CARS1: variants seen among roughly 807,000 people sequenced by gnomAD.
CARS1 encodes the protein cysteinyl-tRNA synthetase 1.
Under a neutral mutation model 106.2 loss-of-function variants are expected in CARS1, and 48 were observed. The ratio of observed to expected loss-of-function variants is 0.45; its 90% CI spans 0.36 to 0.57. The LOEUF is 0.57. CARS1 is among the 20% of genes least tolerant of loss of function. The probability of loss-of-function intolerance (pLI) is 0.00; values close to 1 mark genes in which losing one functional copy is unlikely to be tolerated. For missense variants in CARS1, 968 were observed against 1,057.2 expected (o/e 0.92, Z 1.17); for synonymous variants, 409 against 403.4 (o/e 1.01, Z -0.17).
In CARS1 at chr11:3,028,339, C is replaced by T. The variant is rs1315202254; in HGVS notation, c.1031+657G>A. ...CCGCGTCTTGGTGGTAGTGGTCCCC[C>T]GGGCCCAGCTGTCTTCTCTTTTATC... On this transcript the variant is annotated intron_variant, in intron 9 of 22. Transcript: ENST00000380525. The surrounding 1 kb of genome is among the most constrained non-coding windows in gnomAD (Gnocchi z 4.4). The T allele has an allele frequency of 2.7e-5, 13 of 487,272 alleles. No homozygotes were observed. The highest frequency in any genetic ancestry group is 3.7e-5 in the Non-Finnish European group (10 of 272,456). 30.2% of individuals were successfully genotyped at this position (487,272 alleles called of 1,614,324 possible).
chr11:3,028,204 C>A lies in CARS1; in HGVS notation c.1031+792G>T. The A allele has an allele frequency of 2.9e-6, 1 of 347,550 alleles. No homozygotes were observed. Among genetic ancestry groups the A allele is most frequent in the South Asian group, 2.6e-5 (1 of 38,220 alleles). The allele number at this position is 347,550 out of a possible 1,614,324, so 21.5% of individuals were successfully genotyped here. A position where few individuals can be genotyped will look rare whatever the true frequency, so the allele number is the denominator to read the frequency against. On this transcript the variant is annotated intron_variant, in intron 9 of 22. Transcript: ENST00000380525. This position sits in a 1 kb window ranked among gnomAD's most constrained non-coding sequence, Gnocchi z 4.4. ...GCCCCCTGTCCAGTGGACACGTGAC[C>A]CACGTGGCCTTACCTATCATTGAAG... is the stretch of plus-strand genomic sequence containing the variant.
chr11:3,055,482 G>C (rs1395776230), intron 1 of CARS1, among the ~76,000 whole-genome samples: 1 of 152,242 alleles, frequency 6.6e-6, no homozygotes, highest in Non-Finnish European at 1.5e-5. Context: ...TTGAGAGTGT[G>C]TGTGTGATGG....
chr11:3,002,295 G>A (rs1849464555), intron 21 of CARS1: 4 of 666,040 alleles, frequency 6.0e-6, no homozygotes, highest in Non-Finnish European at 1.0e-5. Flanking sequence ...ATAGTAGTAA[G>A]TCTATAAACG....
chr11:3,023,580 A>C (rs887054937), intron 10 of CARS1, among the ~76,000 whole-genome samples: 4 of 152,114 alleles, frequency 2.6e-5, no homozygotes, highest in African/African-American at 9.7e-5. Context: ...ATTTTTGTAG[A>C]GATGCGGTCT....
intron 17 of CARS1, among the ~76,000 whole-genome samples, chr11:3,012,623 G>A (rs1160296828): frequency 6.6e-6 from 1 of 152,212 alleles, no homozygotes; most frequent in Non-Finnish European, 1.5e-5. Context: ...GGTTTCAGAG[G>A]GGCCAGCTCT....
chr11:3,004,176 C>A lies in CARS1; in HGVS notation c.2217+1190G>T, dbSNP rs1446494467. The stretch of plus-strand genomic sequence containing the variant: ...TGATGAGGCAGTCACACCAGCCAAC[C>A]TCACAGGGCAAGCCCAGCTCTTCCC... On this transcript the variant is annotated intron_variant, in intron 20 of 22. Coordinates refer to ENST00000380525, the MANE Select transcript of CARS1 (RefSeq NM_001014437.3). The surrounding 1 kb of genome is among the most constrained non-coding windows in gnomAD (Gnocchi z 5.2). Among the ~76,000 whole-genome samples the A allele has an allele frequency of 6.6e-6, 1 of 152,202 alleles. No individual in the cohort carries two copies.
In CARS1 at chr11:3,050,233, T is replaced by G. The variant is rs556603439; in HGVS notation, c.26-2232A>C. Among the ~76,000 whole-genome samples, 1 of 152,204 alleles carries G rather than the reference T, an allele frequency of 6.6e-6. No individual in the cohort carries two copies. Among genetic ancestry groups the G allele is most frequent in the South Asian group, 2.1e-4 (1 of 4,822 alleles). ...GGCTTCCTGGGATGACTCTCGCTGGTGGGATGACGAGTGCAGCGTCCCTCT... is the reference window on the plus strand; with the variant it reads ...GGCTTCCTGGGATGACTCTCGCTGGGGGGATGACGAGTGCAGCGTCCCTCT... On this transcript the variant is annotated intron_variant, in intron 1 of 22. Transcript: ENST00000380525. The surrounding 1 kb of genome is among the most constrained non-coding windows in gnomAD (Gnocchi z 6.3).
chr11:3,055,841 C>G (rs1856150565), intron 1 of CARS1, among the ~76,000 whole-genome samples: 1 of 152,202 alleles, frequency 6.6e-6, no homozygotes, highest in Non-Finnish European at 1.5e-5. Flanking sequence ...ACGTCCTTCC[C>G]ATCTATTAAT....
In CARS1 at chr11:3,053,280, G is replaced by C. The variant is rs1048216332; in HGVS notation, c.25+4063C>G. Among the ~76,000 whole-genome samples the C allele has an allele frequency of 6.6e-6, 1 of 151,972 alleles. No individual in the cohort carries two copies. The highest frequency in any genetic ancestry group is 1.5e-5 in the Non-Finnish European group (1 of 68,014). ...GGAGTCTCGCTCGTCACCCAGGCTG[G>C]AGTGCAGTGGCATGATCTCGGCTCA... On this transcript the variant is annotated intron_variant, in intron 1 of 22. Transcript: ENST00000380525. This position sits in a 1 kb window ranked among gnomAD's most constrained non-coding sequence, Gnocchi z 6.6.
rs1852363679 is a variant in CARS1 at position 3,028,611 on chromosome 11, G to A, written c.1031+385C>T. 3.4e-6 allele frequency: 1 copy of A among 294,382 alleles called. No homozygotes were observed. The highest frequency in any genetic ancestry group is 9.9e-4 in the Middle Eastern group (1 of 1,012). The allele number at this position is 294,382 out of a possible 1,614,324, so 18.2% of individuals were successfully genotyped here. A position where few individuals can be genotyped will look rare whatever the true frequency, so the allele number is the denominator to read the frequency against. On this transcript the variant is annotated intron_variant, in intron 9 of 22. Transcript: ENST00000380525. This position sits in a 1 kb window ranked among gnomAD's most constrained non-coding sequence, Gnocchi z 4.4. Reference sequence around the variant, plus strand: ...TCATAGCCAAGCGATAGATGCTGATGAAATGCATCCTCCTTCGGGATATGA... The same window carrying A: ...TCATAGCCAAGCGATAGATGCTGATAAAATGCATCCTCCTTCGGGATATGA...
Position 3,039,113 on chromosome 11 carries a change from A to G in CARS1, c.651+81T>C. 1 of 863,230 alleles carries G rather than the reference A, an allele frequency of 1.2e-6. No individual in the cohort carries two copies. Among genetic ancestry groups the G allele is most frequent in the Non-Finnish European group, 1.9e-6 (1 of 518,244 alleles). The allele number at this position is 863,230 out of a possible 1,614,324, so 53.5% of individuals were successfully genotyped here. On this transcript the variant is annotated intron_variant, in intron 6 of 22. Coordinates refer to ENST00000380525, the MANE Select transcript of CARS1 (RefSeq NM_001014437.3). The surrounding 1 kb of genome is among the most constrained non-coding windows in gnomAD (Gnocchi z 5.6). ...TGTGAAAGCCTGTGAGACTGACACTACCCTAGGGACAGTAGCCTACAAAGG... is the reference window on the plus strand; with the variant it reads ...TGTGAAAGCCTGTGAGACTGACACTGCCCTAGGGACAGTAGCCTACAAAGG...
chr11:3,007,122 T>G lies in CARS1; in HGVS notation c.2069-163A>C, dbSNP rs1849956192. On this transcript the variant is annotated intron_variant, in intron 18 of 22. Coordinates refer to ENST00000380525, the MANE Select transcript of CARS1 (RefSeq NM_001014437.3). ...CCCGGCCCACAGAACGAGTACCTCC[T>G]CCAGTGCTTGGGAGGGAGGGCCCAG... 2.2e-5 allele frequency: 14 copies of G among 627,220 alleles called. No homozygotes were observed. The South Asian group carries it at 2.6e-4, about 12-fold the overall frequency. The allele number at this position is 627,220 out of a possible 1,614,324, so 38.9% of individuals were successfully genotyped here. A position where few individuals can be genotyped will look rare whatever the true frequency, so the allele number is the denominator to read the frequency against.
In CARS1 at chr11:3,037,995, G is replaced by A; in HGVS notation, c.801+55C>T. ...AATCCGTGCACACAGATCAGTCTAT[G>A]CACGGCCCGACATTTGACCCGAACG... On this transcript the variant is annotated intron_variant, in intron 7 of 22. Transcript: ENST00000380525. This position sits in a 1 kb window ranked among gnomAD's most constrained non-coding sequence, Gnocchi z 5.9. The A allele has an allele frequency of 6.4e-7, 1 of 1,553,256 alleles. No individual in the cohort carries two copies. Among genetic ancestry groups the A allele is most frequent in the Non-Finnish European group, 8.8e-7 (1 of 1,132,908 alleles).
In CARS1 at chr11:3,029,497, C is replaced by T. The variant is rs1852485245; in HGVS notation, c.802-54G>A. On this transcript the variant is annotated intron_variant, in intron 7 of 22. Coordinates refer to ENST00000380525, the MANE Select transcript of CARS1 (RefSeq NM_001014437.3). This position sits in a 1 kb window ranked among gnomAD's most constrained non-coding sequence, Gnocchi z 5.9. ...GCGGGCCACACACTTCACATGAGAA[C>T]ATCTCGTGCAGCTGGTGTGAGCCCA... 8 of 1,592,122 alleles carry T rather than the reference C, an allele frequency of 5.0e-6. No homozygotes were observed. The highest frequency in any genetic ancestry group is 6.8e-6 in the Non-Finnish European group (8 of 1,168,844).
At position 3,010,213 on chromosome 11, in the gene CARS1, G is replaced by C. The variant is rs374048687; in HGVS notation, c.2068+1982C>G. ...GCCACCGAGCGGGAGCTTGTGCCTG[G>C]CCAGTCCCCCTTTAGCGCCCTCCCG... On this transcript the variant is annotated intron_variant, in intron 18 of 22. Transcript: ENST00000380525. Among the ~76,000 whole-genome samples, 46 of 152,372 alleles carry C rather than the reference G, an allele frequency of 3.0e-4. 1 individual carries two copies. In the East Asian group the frequency reaches 8.3e-3, roughly 27 times the overall value.
intron 2 of CARS1, 39 bp from the exon 3 acceptor site, chr11:3,042,295 G>A: frequency 6.6e-7 from 1 of 1,505,396 alleles, no homozygotes; most frequent in Non-Finnish European, 9.1e-7. Flanking sequence ...TCCAGGGGCA[G>A]CACCAGGAAG....
In CARS1 at chr11:3,029,168, A is replaced by G; in HGVS notation, c.943-84T>C. 2.1e-6 allele frequency: 3 copies of G among 1,431,828 alleles called. No homozygotes were observed. The highest frequency in any genetic ancestry group is 3.0e-6 in the Non-Finnish European group (3 of 1,016,640). 88.7% of individuals were successfully genotyped at this position (1,431,828 alleles called of 1,614,324 possible). On this transcript the variant is annotated intron_variant, in intron 8 of 22. Coordinates refer to ENST00000380525, the MANE Select transcript of CARS1 (RefSeq NM_001014437.3). This position sits in a 1 kb window ranked among gnomAD's most constrained non-coding sequence, Gnocchi z 5.9. ...AAAACGTTCCCAATTCATAAAACGA[A>G]AAGCCCATTATGCCCCTCAACTCAA...
At chr11:3,006,390 G>A (rs919866732) in intron 19 of CARS1, among the ~76,000 whole-genome samples, 1 of 152,242 alleles carries the variant, frequency 6.6e-6, no homozygotes, top group East Asian at 1.9e-4. Flanking sequence ...AGGTTGCAAT[G>A]AGCCGAGATC....
chr11:3,002,207 G>A, intron 21 of CARS1, 154 bp from the exon 22 acceptor site: 1 of 688,990 alleles, frequency 1.5e-6, no homozygotes, highest in Non-Finnish European at 2.6e-6. Context: ...AGCCAAGGTG[G>A]AGGGAACATA....
Sources: gnomAD v4.1 joint callset for allele counts (sites outside exome capture counted in the v4.1 genomes callset) on GRCh38, gnomAD v4.1.1 for gene constraint, Gnocchi (gnomAD v3.1) non-coding constraint, MANE v1.5 for transcripts, NCBI Gene and HGNC (gene_info 2026-07-23, HGNC 2026-07-21) for gene names.